The following TMEM35A variants were observed in gnomAD, a reference collection of about 807,000 sequenced individuals.
TMEM35A encodes transmembrane protein 35A.
For missense variants in TMEM35A, 83 were observed against 132.7 expected (o/e 0.63, Z 1.84); for synonymous variants, 50 against 54.7 (o/e 0.91, Z 0.38).
At chrX:101,087,967 G>A (rs767026004) in intron 1 of TMEM35A, among the ~76,000 whole-genome samples, 19 of 109,618 alleles carry the variant, frequency 1.7e-4, no homozygotes, top group Non-Finnish European at 3.2e-4. Context: ...AGCCGAGATC[G>A]TGCCACTGCA....
At chrX:101,084,349 A>G (rs2089300710) in intron 1 of TMEM35A, among the ~76,000 whole-genome samples, 1 of 111,386 alleles carries the variant, frequency 9.0e-6, no homozygotes, top group African/African-American at 3.3e-5. Flanking sequence ...GAGTCAGTAC[A>G]TTTTGCAGCA....
intron 1 of TMEM35A, among the ~76,000 whole-genome samples, chrX:101,090,329 T>A (rs988438512): frequency 1.1e-5 from 1 of 93,938 alleles, no homozygotes; most frequent in East Asian, 3.0e-4. Flanking sequence ...ATTTTTGTAT[T>A]TTTTTTTTTT....
chrX:101,082,670 G>A (rs2089296178), intron 1 of TMEM35A, among the ~76,000 whole-genome samples: 1 of 110,382 alleles, frequency 9.1e-6, no homozygotes, highest in Non-Finnish European at 1.9e-5. Flanking sequence ...ATGAGACGGA[G>A]TTTTGCTCTT....
chrX:101,082,133 C>CTTTTGTTTTTTTTTTTTTTTTTTTTT, intron 1 of TMEM35A, among the ~76,000 whole-genome samples: 1 of 20,482 alleles, frequency 4.9e-5, no homozygotes, highest in Non-Finnish European at 9.1e-5. Flanking sequence ...TTCTTTCTTT[C>CTTTTGTTTTTTTTTTTTTTTTTTTTT]TTTTTTTTTT....
intron 1 of TMEM35A, among the ~76,000 whole-genome samples, chrX:101,082,145 T>TTTTTTTTTTTTTTTTTTTTTTTTTTTTTC (rs2089294508): frequency 1.0e-5 from 1 of 99,088 alleles, no homozygotes; most frequent in Non-Finnish European, 2.0e-5. Context: ...TTTTTTTTTT[T>TTTTTTTTTTTTTTTTTTTTTTTTTTTTTC]TTTTTTTTTT....
chrX:101,090,165 C>CTTTTT (rs1569495904), intron 1 of TMEM35A, among the ~76,000 whole-genome samples: 1 of 98,161 alleles, frequency 1.0e-5, no homozygotes, highest in African/African-American at 5.1e-5. Context: ...CCATTTCTTT[C>CTTTTT]TTTCTTTTTT....
At chrX:101,080,279 C>T (rs996314731) in intron 1 of TMEM35A, among the ~76,000 whole-genome samples, 1 of 111,621 alleles carries the variant, frequency 9.0e-6, no homozygotes, top group Non-Finnish European at 1.9e-5. Context: ...CTCTCCTGAA[C>T]CCACTGCAGA....
In TMEM35A at chrX:101,095,739, C is replaced by A. The variant is rs868656934; in HGVS notation, c.*783C>A. ...TTGTCCAAGCCCCACCTATTAAAAC[C>A]CTTTACTCACAGTTTGAAACTGAAG... On this transcript the variant is annotated 3_prime_UTR_variant, in exon 2 of 2. Coordinates refer to ENST00000372930, the MANE Select transcript of TMEM35A (RefSeq NM_021637.3). 13 of 111,503 alleles carry A rather than the reference C, an allele frequency of 1.2e-4. 1 individual carries two copies. Among genetic ancestry groups the A allele is most frequent in the African/African-American group, 4.2e-4 (13 of 30,694 alleles). 9.2% of individuals were successfully genotyped at this position (111,503 alleles called of 1,213,427 possible). A position where few individuals can be genotyped will look rare whatever the true frequency, so the allele number is the denominator to read the frequency against.
rs2089340895 is a variant in TMEM35A, at chrX:101,096,327, C to T, written c.*1371C>T. On this transcript the variant is annotated 3_prime_UTR_variant, in exon 2 of 2. Coordinates refer to ENST00000372930, the MANE Select transcript of TMEM35A (RefSeq NM_021637.3). ...ATTGATACCTCTCTGTTTTATTTCT[C>T]TCATTCTTTCAAAATAAAACTTTTT... 2 of 111,175 alleles carry T rather than the reference C, an allele frequency of 1.8e-5. No homozygotes were observed. Among genetic ancestry groups the T allele is most frequent in the African/African-American group, 6.6e-5 (2 of 30,465 alleles). The allele number at this position is 111,175 out of a possible 1,213,427, so 9.2% of individuals were successfully genotyped here.
In TMEM35A at chrX:101,078,893, C is replaced by T; in HGVS notation, c.-110C>T. The T allele has an allele frequency of 9.6e-7, 1 of 1,046,366 alleles. No homozygotes were observed. 86.2% of individuals were successfully genotyped at this position (1,046,366 alleles called of 1,213,427 possible). On this transcript the variant is annotated 5_prime_UTR_variant, in exon 1 of 2. Transcript: ENST00000372930. ...CCTCTCCCTTTGTCATTCTAGCTGC[C>T]TGCTGCCTCCGCAGCGTCCCCCCAG...
At chrX:101,091,239 G>C (rs1482189247) in intron 1 of TMEM35A, among the ~76,000 whole-genome samples, 2 of 109,589 alleles carry the variant, frequency 1.8e-5, no homozygotes, top group African/African-American at 3.3e-5. Context: ...TTTGTTTCCA[G>C]GCATACTTCC....
In TMEM35A at chrX:101,090,169, C is replaced by CTTTTTTTTTTTTTTTTTTTTTTT. The variant is rs771239790; in HGVS notation, c.121-4393_121-4392insTTTTTTTTTTTTTTTTTTTTTTT. On this transcript the variant is annotated intron_variant, in intron 1 of 1. Coordinates refer to ENST00000372930, the MANE Select transcript of TMEM35A (RefSeq NM_021637.3). ...ACTCTGTCTTTCCATTTCTTTCTTT[C>CTTTTTTTTTTTTTTTTTTTTTTT]TTTTTTTTTTTGAGACAGAGTCTTG... 1.8e-4 allele frequency among the ~76,000 whole-genome samples: 18 copies of CTTTTTTTTTTTTTTTTTTTTTTT among 97,516 alleles called. 2 individuals are homozygous for CTTTTTTTTTTTTTTTTTTTTTTT. The highest frequency in any genetic ancestry group is 7.0e-4 in the African/African-American group (16 of 22,728). 84.7% of individuals were successfully genotyped at this position (97,516 alleles called of 115,157 possible).
intron 1 of TMEM35A, among the ~76,000 whole-genome samples, chrX:101,083,016 T>C (rs1202042710): frequency 1.8e-5 from 2 of 111,671 alleles, no homozygotes; most frequent in African/African-American, 6.5e-5. Context: ...ATGCAATCAA[T>C]TAATATTGAA....
chrX:101,089,409 T>G (rs1392185192), intron 1 of TMEM35A, among the ~76,000 whole-genome samples: 1 of 109,735 alleles, frequency 9.1e-6, no homozygotes, highest in East Asian at 2.9e-4. Flanking sequence ...TCAGTGAGTG[T>G]TTTTGGTGCC....
At chrX:101,080,721 T>A (rs756184864) in intron 1 of TMEM35A, among the ~76,000 whole-genome samples, 10 of 110,287 alleles carry the variant, frequency 9.1e-5, no homozygotes, top group Non-Finnish European at 1.7e-4. Context: ...AGATTATGAA[T>A]AAATGAACAT....
chrX:101,083,513 A>G (rs2089298367), intron 1 of TMEM35A, among the ~76,000 whole-genome samples: 1 of 112,004 alleles, frequency 8.9e-6, no homozygotes, highest in Non-Finnish European at 1.9e-5. Flanking sequence ...TGTGTAGTTA[A>G]GTGCCCTTCT....
rs2089335156 is a variant in TMEM35A at position 101,095,076 on chromosome X, C to T, written c.*120C>T. 1.2e-6 allele frequency: 1 copy of T among 825,714 alleles called. No individual in the cohort carries two copies. Among genetic ancestry groups the T allele is most frequent in the African/African-American group, 2.1e-5 (1 of 48,505 alleles). The allele number at this position is 825,714 out of a possible 1,213,427, so 68.0% of individuals were successfully genotyped here. ...TGGGGAAAGTGAAAAATGTAATCTG[C>T]AAGTTAATGACCCTATTGGCTTGTG... On this transcript the variant is annotated 3_prime_UTR_variant, in exon 2 of 2. Coordinates refer to ENST00000372930, the MANE Select transcript of TMEM35A (RefSeq NM_021637.3).
chrX:101,088,509 C>T (rs7885637), intron 1 of TMEM35A, among the ~76,000 whole-genome samples: 11,179 of 110,838 alleles, frequency 0.1, 1,395 homozygotes, highest in African/African-American at 0.35. Context: ...CCAGCTAACT[C>T]GGGAGGCTGA....
At chrX:101,088,850 A>G (rs958807129) in intron 1 of TMEM35A, among the ~76,000 whole-genome samples, 1 of 110,333 alleles carries the variant, frequency 9.1e-6, no homozygotes, top group African/African-American at 3.3e-5. Context: ...ATTTGCAGTG[A>G]GCCGAGCCAC....
Sources: allele counts gnomAD v4.1 joint callset (sites outside exome capture counted in the v4.1 genomes callset), GRCh38; gene constraint gnomAD v4.1.1; transcripts MANE v1.5; gene names NCBI Gene and HGNC (gene_info 2026-07-23, HGNC 2026-07-21).